The following SERGEF variants were observed in gnomAD, a reference collection of about 807,000 sequenced individuals.
SERGEF encodes the protein secretion regulating guanine nucleotide exchange factor.
Under a neutral mutation model 50.0 loss-of-function variants are expected in SERGEF, and 51 were observed. That is an observed-to-expected ratio of 1.02 (90% CI 0.81 to 1.29). The LOEUF (loss-of-function observed/expected upper bound fraction) is 1.29. SERGEF is among the 50% of genes most tolerant of loss of function. SERGEF has a pLI of 0.00. For missense variants in SERGEF, 521 were observed against 557.0 expected (o/e 0.94, Z 0.65); for synonymous variants, 205 against 212.4 (o/e 0.97, Z 0.30).
intron 4 of SERGEF, among the ~76,000 whole-genome samples, chr11:18,004,025 T>C (rs1439647571): frequency 6.6e-6 from 1 of 152,202 alleles, no homozygotes; most frequent in Non-Finnish European, 1.5e-5. Context: ...ACTAGAAAAT[T>C]TTAAATTACA....
intron 9 of SERGEF, among the ~76,000 whole-genome samples, chr11:17,952,162 G>T (rs758695080): frequency 1.9e-4 from 29 of 152,148 alleles, no homozygotes; most frequent in Non-Finnish European, 3.7e-4. Flanking sequence ...TTTAGAAATA[G>T]GCATGTTAAT....
chr11:17,804,205 G>A (rs904960722), intron 10 of SERGEF, among the ~76,000 whole-genome samples: 3 of 152,176 alleles, frequency 2.0e-5, no homozygotes, highest in Admixed American at 2.0e-4. Flanking sequence ...TATACCAACT[G>A]TCAGAATCTC....
At chr11:17,874,420 C>T (rs1387955002) in intron 10 of SERGEF, 1 of 152,190 alleles carries the variant, frequency 6.6e-6, no homozygotes, top group African/African-American at 2.4e-5. Flanking sequence ...AACAGTTCTT[C>T]CTTAGTCTAA....
rs1045553102 is a variant in SERGEF at position 17,847,729 on chromosome 11, G to T, written c.1048+30479C>A. Among the ~76,000 whole-genome samples, 8 of 152,184 alleles carry T rather than the reference G, an allele frequency of 5.3e-5. No individual in the cohort carries two copies. The East Asian group carries it at 5.8e-4, about 11-fold the overall frequency. On this transcript the variant is annotated intron_variant, in intron 10 of 10. Coordinates refer to ENST00000265965, the MANE Select transcript of SERGEF (RefSeq NM_012139.4). The stretch of plus-strand genomic sequence containing the variant: ...ATTAGGAAGATTTTAAGCTGAAAGG[G>T]CTTTAGCAGTACTGAGGTCAAAGGT...
intron 1 of SERGEF, chr11:18,012,690 A>T: frequency 6.5e-6 from 7 of 1,074,396 alleles, no homozygotes; most frequent in Non-Finnish European, 7.4e-6. Flanking sequence ...GCCCCGAGGC[A>T]GGTTCTTCCC....
At chr11:17,972,526 G>A (rs187229831) in intron 8 of SERGEF, among the ~76,000 whole-genome samples, 2 of 152,174 alleles carry the variant, frequency 1.3e-5, no homozygotes, top group African/African-American at 2.4e-5. Context: ...ATTAAGATAT[G>A]TACACTGTTT....
At chr11:17,953,745 C>T (rs1852811826) in intron 9 of SERGEF, among the ~76,000 whole-genome samples, 1 of 152,200 alleles carries the variant, frequency 6.6e-6, no homozygotes, top group Admixed American at 6.5e-5. Context: ...AAGGCCCTTG[C>T]TCTCTTGGAT....
intron 10 of SERGEF, among the ~76,000 whole-genome samples, chr11:17,844,503 T>A (rs1346877616): frequency 6.6e-6 from 1 of 152,216 alleles, no homozygotes; most frequent in African/African-American, 2.4e-5. Context: ...CAGAAAATTA[T>A]AAATTAATCA....
At position 17,816,025 on chromosome 11, in the gene SERGEF, C is replaced by T. The variant is rs148035277; in HGVS notation, c.1049-27612G>A. The stretch of plus-strand genomic sequence containing the variant: ...GTGGTCTTCCTCCTGAAGGCAAATC[C>T]AGGCTATAGATTGTTTCCATTGGGC... On this transcript the variant is annotated intron_variant, in intron 10 of 10. Transcript: ENST00000265965. 1.3e-3 allele frequency among the ~76,000 whole-genome samples: 205 copies of T among 152,248 alleles called. 1 individual carries two copies. Among genetic ancestry groups the T allele is most frequent in the African/African-American group, 4.8e-3 (200 of 41,552 alleles).
At chr11:17,997,321 A>G (rs1371239074) in intron 5 of SERGEF, among the ~76,000 whole-genome samples, 1 of 152,244 alleles carries the variant, frequency 6.6e-6, no homozygotes, top group Non-Finnish European at 1.5e-5. Context: ...CAGGGAAATG[A>G]AAACAGATAT....
chr11:17,888,628 T>TACACAC lies in SERGEF; in HGVS notation c.1012-10390_1012-10385dup, dbSNP rs58279017. On this transcript the variant is annotated intron_variant, in intron 9 of 10. Coordinates refer to ENST00000265965, the MANE Select transcript of SERGEF (RefSeq NM_012139.4). This position sits in a 1 kb window ranked among gnomAD's most constrained non-coding sequence, Gnocchi z 4.1. ...AGTTATCAGTATGAACTCACAGTTTTACACACACACACACACACACACACA... is the reference window on the plus strand; with the variant it reads ...AGTTATCAGTATGAACTCACAGTTTTACACACACACACACACACACACACACACACA... Among the ~76,000 whole-genome samples the TACACAC allele has an allele frequency of 1.6e-3, 234 of 143,852 alleles. No individual in the cohort carries two copies. The highest frequency in any genetic ancestry group is 3.4e-3 in the African/African-American group (131 of 38,500). The allele number at this position is 143,852 out of a possible 152,430, so 94.4% of individuals were successfully genotyped here.
intron 9 of SERGEF, among the ~76,000 whole-genome samples, chr11:17,882,226 G>C (rs1287834208): frequency 2.0e-5 from 3 of 152,080 alleles, no homozygotes; most frequent in Non-Finnish European, 4.4e-5. Context: ...GACCAGCCTG[G>C]CCAACATGGT....
intron 10 of SERGEF, among the ~76,000 whole-genome samples, chr11:17,809,610 T>C (rs1849829255): frequency 6.6e-6 from 1 of 151,842 alleles, no homozygotes; most frequent in African/African-American, 2.4e-5. Context: ...GGAGGCAAAG[T>C]CTAAGAGGAG....
chr11:17,943,642 C>A (rs1361099849), intron 9 of SERGEF, among the ~76,000 whole-genome samples: 1 of 152,102 alleles, frequency 6.6e-6, no homozygotes, highest in Admixed American at 6.5e-5. Context: ...AAAGGTAGAA[C>A]CTTAAGCAGT....
chr11:17,844,656 TG>T, intron 10 of SERGEF, among the ~76,000 whole-genome samples: 1 of 152,324 alleles, frequency 6.6e-6, no homozygotes, highest in Middle Eastern at 3.4e-3. Flanking sequence ...GAAAAAATGA[TG>T]GGCCTCCTGT....
intron 10 of SERGEF, among the ~76,000 whole-genome samples, chr11:17,842,950 T>G (rs1462842888): frequency 6.6e-6 from 1 of 152,236 alleles, no homozygotes; most frequent in Non-Finnish European, 1.5e-5. Context: ...TTTTTAGCCC[T>G]GAGAACCAAC....
At chr11:17,974,415 CT>C (rs1463281555) in intron 8 of SERGEF, among the ~76,000 whole-genome samples, 3 of 152,214 alleles carry the variant, frequency 2.0e-5, no homozygotes, top group Non-Finnish European at 1.5e-5. Context: ...GGAGAGGCAT[CT>C]GCTACTGAGG....
chr11:17,876,419 C>G (rs1851236301), intron 10 of SERGEF, among the ~76,000 whole-genome samples: 1 of 152,196 alleles, frequency 6.6e-6, no homozygotes, highest in African/African-American at 2.4e-5. Context: ...AACAGTTACA[C>G]TAACAAGTAT....
chr11:17,853,836 AC>A (rs1426899004), intron 10 of SERGEF: 1 of 152,020 alleles, frequency 6.6e-6, no homozygotes, highest in Admixed American at 6.6e-5. Flanking sequence ...TAAAACAAAA[AC>A]AAAAAAAACA....
Sources: gnomAD v4.1 joint callset for allele counts (sites outside exome capture counted in the v4.1 genomes callset) on GRCh38, gnomAD v4.1.1 for gene constraint, Gnocchi (gnomAD v3.1) non-coding constraint, MANE v1.5 for transcripts, NCBI Gene and HGNC (gene_info 2026-07-23, HGNC 2026-07-21) for gene names.